Variants in LPP observed in about 807,000 individuals in gnomAD.
LPP encodes lipoma-preferred partner.
Under a neutral mutation model 60.4 loss-of-function variants are expected in LPP, and 38 were observed. The ratio of observed to expected loss-of-function variants is 0.63; its 90% CI spans 0.49 to 0.83. LPP has a LOEUF of 0.83. Ranked by LOEUF, LPP falls within the 40% of genes least tolerant of loss-of-function variation. LPP has a pLI of 0.00. For missense variants in LPP, 902 were observed against 783.6 expected (o/e 1.15, Z -1.80); for synonymous variants, 328 against 290.8 (o/e 1.13, Z -1.30).
At chr3:188,649,464 G>A (rs1818553) in intron 7 of LPP, among the ~76,000 whole-genome samples, 37,636 of 152,010 alleles carry the variant, frequency 0.25, 5,644 homozygotes, top group East Asian at 0.75. Context: ...CCTCACCAAA[G>A]GGGACTGGAC....
At chr3:188,513,664 C>A (rs1468007741) in intron 5 of LPP, among the ~76,000 whole-genome samples, 2 of 151,880 alleles carry the variant, frequency 1.3e-5, no homozygotes, top group African/African-American at 4.8e-5. Flanking sequence ...GATTGGAATT[C>A]AGTAGAAATC....
chr3:188,547,230 C>T (rs1462174951), intron 6 of LPP, among the ~76,000 whole-genome samples: 1 of 152,186 alleles, frequency 6.6e-6, no homozygotes, highest in African/African-American at 2.4e-5. Context: ...CAAATGCATT[C>T]CCTCCTTCTG....
chr3:188,692,245 A>G (rs1211695686), intron 7 of LPP, among the ~76,000 whole-genome samples: 1 of 152,200 alleles, frequency 6.6e-6, no homozygotes, highest in Admixed American at 6.6e-5. Context: ...GCAGCCTCAT[A>G]TATGGGTTGA....
chr3:188,213,763 G>A lies in LPP; in HGVS notation c.-189-11642G>A, dbSNP rs147417444. Among the ~76,000 whole-genome samples the A allele has an allele frequency of 2.6e-4, 40 of 152,092 alleles. 1 individual carries two copies. In the East Asian group the frequency reaches 7.4e-3, roughly 28 times the overall value. On this transcript the variant is annotated intron_variant, in intron 1 of 11. Coordinates refer to ENST00000617246, the MANE Select transcript of LPP (RefSeq NM_001375462.1). ...CTATATCTTTCTCTTTCACGAAAGG[G>A]GATGATCACTTGTCCAAAAGGCAGA... is the stretch of plus-strand genomic sequence containing the variant.
At chr3:188,833,516 G>T (rs954653760) in intron 9 of LPP, among the ~76,000 whole-genome samples, 2 of 152,160 alleles carry the variant, frequency 1.3e-5, no homozygotes, top group African/African-American at 4.8e-5. Flanking sequence ...ATGCAAGAAG[G>T]TTTAAGAGAA....
chr3:188,399,836 A>G (rs1194103848), intron 3 of LPP, among the ~76,000 whole-genome samples: 1 of 152,198 alleles, frequency 6.6e-6, no homozygotes, highest in African/African-American at 2.4e-5. Flanking sequence ...GAAGAGTAGC[A>G]TATTGATTTG....
chr3:188,779,264 A>G (rs1461969595), intron 9 of LPP, among the ~76,000 whole-genome samples: 1 of 152,176 alleles, frequency 6.6e-6, no homozygotes, highest in Non-Finnish European at 1.5e-5. Flanking sequence ...TATTGCAGAC[A>G]TATTCCTTAG....
At chr3:188,190,991 G>T (rs1021413969) in intron 1 of LPP, among the ~76,000 whole-genome samples, 1 of 152,198 alleles carries the variant, frequency 6.6e-6, no homozygotes, top group Non-Finnish European at 1.5e-5. Context: ...CAGCACTTTG[G>T]GGGGCCGAGG....
At position 188,890,189 on chromosome 3, in the gene LPP, G is replaced by A. The variant is rs1009012861; in HGVS notation, c.*15710G>A. ...CTACTAAGAGCAGCACTTCCTACTA[G>A]CTAAGCACAATCATAGCCCCACCGT... is the stretch of plus-strand genomic sequence containing the variant. On this transcript the variant is annotated 3_prime_UTR_variant, in exon 12 of 12. Coordinates refer to ENST00000617246, the MANE Select transcript of LPP (RefSeq NM_001375462.1). The A allele has an allele frequency of 2.8e-5, 6 of 217,946 alleles. No individual in the cohort carries two copies. Among genetic ancestry groups the A allele is most frequent in the African/African-American group, 1.3e-4 (6 of 44,466 alleles). 13.5% of individuals were successfully genotyped at this position (217,946 alleles called of 1,614,324 possible).
At chr3:188,478,537 T>A (rs999073415) in intron 4 of LPP, among the ~76,000 whole-genome samples, 4 of 152,150 alleles carry the variant, frequency 2.6e-5, no homozygotes, top group African/African-American at 7.2e-5. Flanking sequence ...CTTACTGTGT[T>A]AGCTGCTTTG....
At chr3:188,835,064 C>T (rs6444332) in intron 9 of LPP, among the ~76,000 whole-genome samples, 48,424 of 151,856 alleles carry the variant, frequency 0.32, 9,254 homozygotes, top group East Asian at 0.84. Flanking sequence ...TGATAACAGA[C>T]CCATATATCA....
intron 7 of LPP, among the ~76,000 whole-genome samples, chr3:188,693,793 C>A (rs1230452946): frequency 2.0e-5 from 3 of 152,056 alleles, no homozygotes; most frequent in African/African-American, 7.2e-5. Context: ...TAGATTAGGG[C>A]TCCCAAAATT....
chr3:188,567,043 T>C (rs1832340936), intron 6 of LPP, among the ~76,000 whole-genome samples: 1 of 151,952 alleles, frequency 6.6e-6, no homozygotes, highest in African/African-American at 2.4e-5. Flanking sequence ...CTTTCTACTT[T>C]TATTTTCATA....
In LPP at chr3:188,700,047, C is replaced by CT. The variant is rs146272303; in HGVS notation, c.1114-8212dup. On this transcript the variant is annotated intron_variant, in intron 7 of 11. Transcript: ENST00000617246. ...TGAAAAGAAGATAATTTCAATGTTTCTTTTTTTTCAAGAACACATAATTGA... is the reference window on the plus strand; with the variant it reads ...TGAAAAGAAGATAATTTCAATGTTTCTTTTTTTTTCAAGAACACATAATTGA... 1.1e-3 allele frequency among the ~76,000 whole-genome samples: 171 copies of CT among 151,970 alleles called. 1 individual carries two copies. The highest frequency in any genetic ancestry group is 2.5e-3 in the African/African-American group (102 of 41,450).
At chr3:188,354,812 C>T (rs945532764) in intron 3 of LPP, among the ~76,000 whole-genome samples, 3 of 98,444 alleles carry the variant, frequency 3.0e-5, no homozygotes, top group African/African-American at 7.9e-5. Flanking sequence ...CACACACACG[C>T]GCGTGCGCGC....
intron 4 of LPP, among the ~76,000 whole-genome samples, chr3:188,480,284 C>T (rs1286229849): frequency 6.6e-6 from 1 of 152,228 alleles, no homozygotes; most frequent in East Asian, 1.9e-4. Context: ...TCCAACTCCT[C>T]ATTTAACTGT....
intron 1 of LPP, among the ~76,000 whole-genome samples, chr3:188,191,097 T>C (rs1728047074): frequency 6.6e-6 from 1 of 152,060 alleles, no homozygotes; most frequent in South Asian, 2.1e-4. Context: ...GGGAGTGGTA[T>C]TGCATGCCTG....
Position 188,264,788 on chromosome 3 carries a change from C to T in LPP, c.-67+39261C>T, listed in dbSNP as rs1015647712. 2.0e-5 allele frequency among the ~76,000 whole-genome samples: 3 copies of T among 151,594 alleles called. No homozygotes were observed. The South Asian group carries it at 6.2e-4, about 32-fold the overall frequency. ...CCTTTTTTCTTCTCTCTCTCTCTCT[C>T]TGTGTGTGTCTCTCTCTCTTTCTTT... On this transcript the variant is annotated intron_variant, in intron 2 of 11. Coordinates refer to ENST00000617246, the MANE Select transcript of LPP (RefSeq NM_001375462.1).
intron 9 of LPP, among the ~76,000 whole-genome samples, chr3:188,812,604 T>TA (rs1342886220): frequency 2.6e-5 from 4 of 152,296 alleles, no homozygotes; most frequent in Admixed American, 2.6e-4. Context: ...TAAAACCAAA[T>TA]AAATAGTTTC....
Sources: gnomAD v4.1 joint callset for allele counts (sites outside exome capture counted in the v4.1 genomes callset) on GRCh38, gnomAD v4.1.1 for gene constraint, MANE v1.5 for transcripts, NCBI Gene and HGNC (gene_info 2026-07-23, HGNC 2026-07-21) for gene names.